ZNF521: variants seen among roughly 807,000 people sequenced by gnomAD.
ZNF521 encodes the protein zinc finger protein 521.
Under a neutral mutation model 105.5 loss-of-function variants are expected in ZNF521, and 14 were observed. That is an observed-to-expected ratio of 0.13 (90% confidence interval 0.09 to 0.21). The LOEUF (loss-of-function observed/expected upper bound fraction) is 0.21, where lower values mean the gene tolerates loss of function less well. ZNF521 is among the 10% of genes least tolerant of loss of function. ZNF521 has a pLI of 1.00. For missense variants in ZNF521, 1,233 were observed against 1,629.7 expected, an observed-to-expected ratio of 0.76 and a Z score of 4.19; for synonymous variants, 635 against 606.0, an observed-to-expected ratio of 1.05 and a Z score of -0.70.
rs766307291 is a variant in ZNF521 at position 25,327,639 on chromosome 18, C to T, written c.41-5452G>A. 161 of 520,934 alleles carry T rather than the reference C, an allele frequency of 3.1e-4. 2 individuals carry two copies. The highest frequency in any genetic ancestry group is 3.7e-4 in the Non-Finnish European group (98 of 261,908). The allele number at this position is 520,934 out of a possible 1,614,324, so 32.3% of individuals were successfully genotyped here. A position where few individuals can be genotyped will look rare whatever the true frequency, so the allele number is the denominator to read the frequency against. On this transcript the variant is annotated intron_variant, in intron 2 of 7. Transcript: ENST00000361524. ...TTCCTGGTTTGCAAAAACCAAAGGG[C>T]GGGATCATTATTTTGTGCTTTCTGG...
At chr18:25,224,206 G>T in intron 4 of ZNF521, 139 bp downstream of exon 4, 1 of 838,348 alleles carries the variant, frequency 1.2e-6, no homozygotes, top group Non-Finnish European at 1.8e-6. Flanking sequence ...ATGGCTATGG[G>T]GGAAAAAGAA....
chr18:25,169,726 T>C (rs1223508188), intron 5 of ZNF521, among the ~76,000 whole-genome samples: 1 of 152,142 alleles, frequency 6.6e-6, no homozygotes, highest in African/African-American at 2.4e-5. Context: ...TCTAGGATAC[T>C]GAAATGAGGG....
chr18:25,295,171 T>C (rs1388556377), intron 3 of ZNF521, among the ~76,000 whole-genome samples: 1 of 152,180 alleles, frequency 6.6e-6, no homozygotes, highest in Non-Finnish European at 1.5e-5. Flanking sequence ...TTCCATTCTT[T>C]TATTGTTATC....
intron 5 of ZNF521, among the ~76,000 whole-genome samples, chr18:25,117,513 C>G (rs901797657): frequency 1.3e-5 from 2 of 151,812 alleles, no homozygotes; most frequent in African/African-American, 4.8e-5. Flanking sequence ...TATAACTATG[C>G]TTAATGATAT....
rs182576984 is a variant in ZNF521, at chr18:25,190,112, A to G, written c.3658+5048T>C. ...AAGCCAGCATTGCCCACATGAGGGT[A>G]GCTTTCTGTTACCATTAAACTGCCC... On this transcript the variant is annotated intron_variant, in intron 5 of 7. Coordinates refer to ENST00000361524, the MANE Select transcript of ZNF521 (RefSeq NM_015461.3). Among the ~76,000 whole-genome samples the G allele has an allele frequency of 1.9e-4, 29 of 152,332 alleles. No individual in the cohort carries two copies. The East Asian group carries it at 4.2e-3, about 22-fold the overall frequency.
chr18:25,211,705 T>C (rs2036182328), intron 4 of ZNF521, among the ~76,000 whole-genome samples: 1 of 152,236 alleles, frequency 6.6e-6, no homozygotes, highest in African/African-American at 2.4e-5. Flanking sequence ...CCCTATATGA[T>C]GTTTGGTAAA....
At chr18:25,209,685 G>A (rs1324219980) in intron 4 of ZNF521, among the ~76,000 whole-genome samples, 3 of 152,118 alleles carry the variant, frequency 2.0e-5, no homozygotes, top group Non-Finnish European at 4.4e-5. Flanking sequence ...TGACTTAAAT[G>A]TTATTTCTCC....
intron 4 of ZNF521, among the ~76,000 whole-genome samples, chr18:25,219,416 T>C (rs1466429239): frequency 6.6e-6 from 1 of 152,100 alleles, no homozygotes; most frequent in Non-Finnish European, 1.5e-5. Context: ...AGAGAAAAGG[T>C]GCTGAGTTCT....
intron 3 of ZNF521, among the ~76,000 whole-genome samples, chr18:25,293,180 ATAAT>A (rs1911132590): frequency 6.6e-6 from 1 of 152,216 alleles, no homozygotes; most frequent in South Asian, 2.1e-4. Flanking sequence ...ATTTTAATCA[ATAAT>A]TAAAGAAAAA....
intron 5 of ZNF521, among the ~76,000 whole-genome samples, chr18:25,130,527 A>C (rs752795425): frequency 6.6e-5 from 10 of 152,200 alleles, no homozygotes; most frequent in Non-Finnish European, 8.8e-5. Flanking sequence ...CAAATGTACC[A>C]TACCACTGCA....
chr18:25,162,626 CTG>C (rs1231344270), intron 5 of ZNF521, among the ~76,000 whole-genome samples: 4 of 152,264 alleles, frequency 2.6e-5, no homozygotes, highest in African/African-American at 9.6e-5. Flanking sequence ...ACCAGACAGT[CTG>C]TTATTTGATG....
intron 7 of ZNF521, 49 bp downstream of exon 7, chr18:25,089,416 T>TA (rs2033697344): frequency 1.4e-6 from 2 of 1,406,020 alleles, no homozygotes. Context: ...CTGTTTACTA[T>TA]AAGAATAGCA....
At chr18:25,296,629 G>A (rs1184997475) in intron 3 of ZNF521, among the ~76,000 whole-genome samples, 1 of 152,072 alleles carries the variant, frequency 6.6e-6, no homozygotes, top group Non-Finnish European at 1.5e-5. Context: ...GTCACACAAT[G>A]GTGTACACAT....
At chr18:25,099,022 C>T (rs2033910509) in intron 5 of ZNF521, among the ~76,000 whole-genome samples, 1 of 152,116 alleles carries the variant, frequency 6.6e-6, no homozygotes, top group Non-Finnish European at 1.5e-5. Context: ...GCAGCTCTGA[C>T]CATCTCAATG....
chr18:25,246,150 A>T (rs1907700672), intron 3 of ZNF521, among the ~76,000 whole-genome samples: 1 of 152,196 alleles, frequency 6.6e-6, no homozygotes, highest in Non-Finnish European at 1.5e-5. Context: ...GGTGCAGCAC[A>T]TCAACATGGC....
intron 2 of ZNF521, among the ~76,000 whole-genome samples, chr18:25,336,694 G>A (rs1282311132): frequency 1.3e-5 from 2 of 152,198 alleles, no homozygotes; most frequent in African/African-American, 4.8e-5. Flanking sequence ...AAGACTTTGT[G>A]AGAATCCCTC....
chr18:25,285,681 TTC>T lies in ZNF521; in HGVS notation c.220+36325_220+36326del, dbSNP rs367897394. Among the ~76,000 whole-genome samples the T allele has an allele frequency of 1.5e-3, 217 of 146,708 alleles. 2 individuals are homozygous for T. The highest frequency in any genetic ancestry group is 3.5e-3 in the Middle Eastern group (1 of 286). The stretch of plus-strand genomic sequence containing the variant: ...CTACAGACAGATTTTGTAGTTGCAC[TTC>T]TCTCTCTCTCTCTCTCACACACACA... On this transcript the variant is annotated intron_variant, in intron 3 of 7. Transcript: ENST00000361524.
At chr18:25,102,288 T>G (rs2033982006) in intron 5 of ZNF521, among the ~76,000 whole-genome samples, 1 of 152,134 alleles carries the variant, frequency 6.6e-6, no homozygotes, top group Admixed American at 6.6e-5. Flanking sequence ...AAAGACATTC[T>G]AATAAATACC....
chr18:25,203,799 G>A (rs965383075), intron 4 of ZNF521, among the ~76,000 whole-genome samples: 1 of 152,200 alleles, frequency 6.6e-6, no homozygotes, highest in Admixed American at 6.5e-5. Context: ...ATAGTACCAG[G>A]GAGAAAAAAT....
Sources: allele counts gnomAD v4.1 joint callset (sites outside exome capture counted in the v4.1 genomes callset), GRCh38; gene constraint gnomAD v4.1.1; transcripts MANE v1.5; gene names NCBI Gene and HGNC (gene_info 2026-07-23, HGNC 2026-07-21).